The following PLCB1 variants were observed in gnomAD, a reference collection of about 807,000 sequenced individuals.
PLCB1 encodes the protein phospholipase C beta 1.
PLCB1 carries 46 observed loss-of-function variants against 161.8 expected under a neutral mutation model. The ratio of observed to expected loss-of-function variants is 0.28; its 90% CI spans 0.22 to 0.36. The LOEUF is 0.36. PLCB1 is among the 10% of genes least tolerant of loss of function. The pLI is 1.00. For synonymous variants in PLCB1, 517 were observed against 503.7 expected (o/e 1.03, Z -0.35); for missense variants, 1,016 against 1,472.5 (o/e 0.69, Z 5.07).
At chr20:8,391,840 T>C (rs1465413940) in intron 3 of PLCB1, among the ~76,000 whole-genome samples, 1 of 146,014 alleles carries the variant, frequency 6.8e-6, no homozygotes, top group Non-Finnish European at 1.5e-5. Context: ...CACATATATA[T>C]ATATTACTTG....
At chr20:8,498,164 C>A (rs2122800312) in intron 3 of PLCB1, among the ~76,000 whole-genome samples, 1 of 152,302 alleles carries the variant, frequency 6.6e-6, no homozygotes, top group South Asian at 2.1e-4. Context: ...GTGGCACGAT[C>A]TCAGCTCACT....
intron 31 of PLCB1, among the ~76,000 whole-genome samples, chr20:8,830,723 T>G (rs1985941090): frequency 6.6e-6 from 1 of 151,992 alleles, no homozygotes; most frequent in Non-Finnish European, 1.5e-5. Context: ...TGAATATGAG[T>G]CTCCATGTAC....
chr20:8,210,557 T>A (rs924661598), intron 2 of PLCB1, among the ~76,000 whole-genome samples: 78 of 152,264 alleles, frequency 5.1e-4, no homozygotes, highest in African/African-American at 1.8e-3. Context: ...TCATTCTCTG[T>A]ATCAGTTACT....
chr20:8,219,629 T>C (rs1051116032), intron 2 of PLCB1, among the ~76,000 whole-genome samples: 2 of 152,166 alleles, frequency 1.3e-5, no homozygotes, highest in Non-Finnish European at 2.9e-5. Flanking sequence ...GAAGCTCATG[T>C]CTTTCTGATA....
intron 3 of PLCB1, among the ~76,000 whole-genome samples, chr20:8,538,483 A>G (rs1242468568): frequency 2.0e-5 from 3 of 152,108 alleles, no homozygotes; most frequent in Non-Finnish European, 4.4e-5. Flanking sequence ...TCTAGTAGCT[A>G]GGACCACAGG....
At chr20:8,774,229 T>C (rs1208320117) in intron 26 of PLCB1, among the ~76,000 whole-genome samples, 1 of 150,508 alleles carries the variant, frequency 6.6e-6, no homozygotes, top group Non-Finnish European at 1.5e-5. Context: ...GAAAATTTTT[T>C]ATTAGACACT....
chr20:8,491,605 C>A (rs1033115526), intron 3 of PLCB1, among the ~76,000 whole-genome samples: 2 of 152,160 alleles, frequency 1.3e-5, no homozygotes, highest in Non-Finnish European at 2.9e-5. Flanking sequence ...CTTTCCTCAA[C>A]CTTGGGAAGT....
intron 2 of PLCB1, among the ~76,000 whole-genome samples, chr20:8,263,587 AACCTAGATGGTAGAGACTACT>A (rs911036628): frequency 1.7e-4 from 26 of 152,300 alleles, no homozygotes; most frequent in Admixed American, 4.6e-4. Context: ...AACTTATGCA[AACCTAGATGGTAGAGACTACT>A]ACATACCTAA....
intron 2 of PLCB1, among the ~76,000 whole-genome samples, chr20:8,312,795 TTG>T (rs966346590): frequency 1.3e-5 from 2 of 152,066 alleles, no homozygotes; most frequent in African/African-American, 4.8e-5. Flanking sequence ...GCCAGAGACT[TTG>T]TAGTTCCTGA....
At chr20:8,691,637 G>A (rs1197949775) in intron 10 of PLCB1, among the ~76,000 whole-genome samples, 1 of 152,040 alleles carries the variant, frequency 6.6e-6, no homozygotes, top group Non-Finnish European at 1.5e-5. Flanking sequence ...CAATATTCAG[G>A]ATATTTTCTT....
At chr20:8,570,820 T>C (rs1444716722) in intron 3 of PLCB1, among the ~76,000 whole-genome samples, 2 of 152,166 alleles carry the variant, frequency 1.3e-5, no homozygotes, top group African/African-American at 4.8e-5. Context: ...TGTTTTCTTT[T>C]GAGTGGTTAG....
At chr20:8,512,416 A>G (rs894243683) in intron 3 of PLCB1, among the ~76,000 whole-genome samples, 2 of 152,178 alleles carry the variant, frequency 1.3e-5, no homozygotes, top group South Asian at 4.1e-4. Flanking sequence ...CTTTCTGTGT[A>G]TGAGGGAGGA....
intron 3 of PLCB1, among the ~76,000 whole-genome samples, chr20:8,451,746 C>T (rs952018129): frequency 1.2e-4 from 18 of 152,140 alleles, no homozygotes; most frequent in African/African-American, 3.9e-4. Flanking sequence ...TCCTAGGACT[C>T]TCTTTCTCTT....
chr20:8,363,972 C>A (rs943029808), intron 2 of PLCB1, among the ~76,000 whole-genome samples: 1 of 152,106 alleles, frequency 6.6e-6, no homozygotes, highest in Non-Finnish European at 1.5e-5. Flanking sequence ...TAAATACATA[C>A]GATTATTATT....
At chr20:8,326,648 T>G (rs1241549805) in intron 2 of PLCB1, among the ~76,000 whole-genome samples, 2 of 152,192 alleles carry the variant, frequency 1.3e-5, no homozygotes, top group African/African-American at 4.8e-5. Context: ...TTATTAATCA[T>G]GTATTTTGTC....
At chr20:8,249,566 A>C (rs1241008677) in intron 2 of PLCB1, 1 of 151,928 alleles carries the variant, frequency 6.6e-6, no homozygotes, top group Non-Finnish European at 1.5e-5. Context: ...AATTATGAAG[A>C]CTATTGGAAT....
At chr20:8,809,472 CTTT>C in intron 31 of PLCB1, among the ~76,000 whole-genome samples, 1 of 152,250 alleles carries the variant, frequency 6.6e-6, no homozygotes, top group South Asian at 2.1e-4. Context: ...AAGGTCACGA[CTTT>C]GTTACTTTGA....
At chr20:8,178,768 T>C (rs2051808847) in intron 2 of PLCB1, among the ~76,000 whole-genome samples, 2 of 152,190 alleles carry the variant, frequency 1.3e-5, no homozygotes, top group Non-Finnish European at 2.9e-5. Context: ...CAGTTTTCGG[T>C]TTTACGTTTA....
rs6133622 is a variant in PLCB1, at chr20:8,792,190, C to A, written c.3423+1929C>A. The A allele has an allele frequency of 0.32, 53,048 of 166,512 alleles. 9,130 individuals carry two copies. The highest frequency in any genetic ancestry group is 0.5 in the East Asian group (3,182 of 6,326). 10.3% of individuals were successfully genotyped at this position (166,512 alleles called of 1,614,324 possible). ...TGCAGCAAATGTCTTCATTTTGTAA[C>A]CCTTTCTAGGATTGAGAAAAACCTT... On this transcript the variant is annotated intron_variant, in intron 31 of 31. Coordinates refer to ENST00000338037, the MANE Select transcript of PLCB1 (RefSeq NM_015192.4).
Sources: gnomAD v4.1 joint callset for allele counts (sites outside exome capture counted in the v4.1 genomes callset) on GRCh38, gnomAD v4.1.1 for gene constraint, MANE v1.5 for transcripts, NCBI Gene and HGNC (gene_info 2026-07-23, HGNC 2026-07-21) for gene names.